The following POLR1D variants were observed in gnomAD, a reference collection of about 807,000 sequenced individuals.
POLR1D encodes RNA polymerase I and III subunit D, also known as DNA-directed RNA polymerases I and III subunit RPAC2.
Under a neutral mutation model 10.8 loss-of-function variants are expected in POLR1D, and 8 were observed. The observed-to-expected ratio is 0.74, with a 90% CI of 0.43 to 1.33. The LOEUF (loss-of-function observed/expected upper bound fraction) is 1.33. Among genes scored for constraint, POLR1D ranks in the 40% most tolerant of loss-of-function variants. The pLI, the probability that POLR1D is intolerant of heterozygous loss-of-function variation, is 0.01. For missense variants in POLR1D, 152 were observed against 161.7 expected (o/e 0.94, Z 0.32); for synonymous variants, 54 against 57.2 (o/e 0.94, Z 0.25).
At chr13:27,635,244 C>T (rs1224654669) in intron 1 of POLR1D, among the ~76,000 whole-genome samples, 8 of 152,052 alleles carry the variant, frequency 5.3e-5, no homozygotes, top group South Asian at 2.1e-4. Context: ...TATTATTAAA[C>T]GTTATTAGTA....
chr13:27,648,227 G>C (rs1286165084), intron 1 of POLR1D: 66 of 587,020 alleles, frequency 1.1e-4, no homozygotes, highest in Non-Finnish European at 3.1e-6. Context: ...TAATTTATGT[G>C]TTCAAAATTG....
chr13:27,647,515 A>G (rs572302411), intron 1 of POLR1D, among the ~76,000 whole-genome samples: 6 of 152,052 alleles, frequency 3.9e-5, no homozygotes, highest in African/African-American at 1.4e-4. Flanking sequence ...AAGCCACCAC[A>G]CCTAGCCGTC....
intron 1 of POLR1D, chr13:27,648,224 T>C (rs1956237072): frequency 1.7e-6 from 1 of 575,166 alleles, no homozygotes; most frequent in Non-Finnish European, 3.2e-6. Flanking sequence ...TTTTAATTTA[T>C]GTGTTCAAAA....
rs1363448615 is a variant in POLR1D, at chr13:27,666,009, T to C, written c.*56T>C. ...GCCTCCGTGCTCCTTCGGGGTGCGG[T>C]GTGCGGAGAAGGCCTGAGCTGGCAG... On this transcript the variant is annotated 3_prime_UTR_variant, in exon 3 of 3. Coordinates refer to the POLR1D transcript ENST00000399697. The C allele has an allele frequency of 5.8e-6, 9 of 1,538,758 alleles. No homozygotes were observed. In the Admixed American group the frequency reaches 1.1e-4, roughly 19 times the overall value.
chr13:27,655,806 A>AAAGACTAT (rs1956303106), intron 2 of POLR1D, among the ~76,000 whole-genome samples: 1 of 152,222 alleles, frequency 6.6e-6, no homozygotes, highest in Non-Finnish European at 1.5e-5. Flanking sequence ...TAGTGAGAGA[A>AAAGACTAT]TAGAGAATCA....
At chr13:27,634,046 C>G (rs1956098808) in intron 1 of POLR1D, among the ~76,000 whole-genome samples, 1 of 152,110 alleles carries the variant, frequency 6.6e-6, no homozygotes, top group Admixed American at 6.5e-5. Flanking sequence ...GCCTTCTAGA[C>G]TTGATTCTAC....
At chr13:27,657,522 T>C (rs1161214035) in intron 2 of POLR1D, among the ~76,000 whole-genome samples, 5 of 152,096 alleles carry the variant, frequency 3.3e-5, no homozygotes. Context: ...CAAGACTCCA[T>C]CTCAAAAAAA....
rs867741780 is a variant in POLR1D at position 27,649,013 on chromosome 13, C to T, written c.101+560C>T. Among the ~76,000 whole-genome samples the T allele has an allele frequency of 4.6e-5, 7 of 152,006 alleles. No homozygotes were observed. The South Asian group carries it at 1.2e-3, about 27-fold the overall frequency. On this transcript the variant is annotated intron_variant, in intron 2 of 2. Transcript: ENST00000399697. Reference sequence around the variant, plus strand: ...GCCAAGGTGGGAGTATTGTTTGAGCCCAAGAGTTTGAGAATAGCTTGGGCA... The same window carrying T: ...GCCAAGGTGGGAGTATTGTTTGAGCTCAAGAGTTTGAGAATAGCTTGGGCA...
At chr13:27,665,028 T>C (rs1349069340) in intron 2 of POLR1D, 1 of 152,754 alleles carries the variant, frequency 6.5e-6, no homozygotes, top group Non-Finnish European at 1.5e-5. Context: ...CAGCCTCTCC[T>C]AGGTAAACTT....
intron 1 of POLR1D, among the ~76,000 whole-genome samples, chr13:27,645,995 G>T (rs1198992746): frequency 9.8e-5 from 15 of 152,300 alleles, no homozygotes; most frequent in African/African-American, 3.6e-4. Context: ...ATCTTCTGCA[G>T]ATGTATAGCA....
intron 1 of POLR1D, among the ~76,000 whole-genome samples, chr13:27,637,132 T>C (rs1305390306): frequency 6.6e-6 from 1 of 152,228 alleles, no homozygotes; most frequent in Non-Finnish European, 1.5e-5. Context: ...TCGATTGTAT[T>C]ACTCTCTGTG....
intron 1 of POLR1D, among the ~76,000 whole-genome samples, chr13:27,636,962 A>T (rs17815885): frequency 2.7e-4 from 12 of 44,130 alleles, no homozygotes; most frequent in Non-Finnish European, 9.1e-4. Flanking sequence ...AGTTTGTGAT[A>T]TTTTTTAAAA....
intron 2 of POLR1D, chr13:27,665,542 A>T: frequency 4.0e-6 from 3 of 740,744 alleles, no homozygotes; most frequent in Non-Finnish European, 7.2e-6. Context: ...AGTTTACACT[A>T]GGTGGCATGC....
At position 27,665,777 on chromosome 13, in the gene POLR1D, C is replaced by T. The variant is rs2138578476; in HGVS notation, c.193C>T (p.Gln65Ter). 6.2e-7 allele frequency: 1 copy of T among 1,613,822 alleles called. No homozygotes were observed. Among genetic ancestry groups the T allele is most frequent in the Non-Finnish European group, 8.5e-7 (1 of 1,179,726 alleles). ...CTCTCATAAAGAGCAAGACCATGAA[C>T]AAAAAGAGGGCGATAAGGAACCAGC... The change falls in exon 3 of 3, where the codon CAA (glutamine) becomes TAA (stop). Residue 65 changes from glutamine to a stop codon, truncating the protein, a stop_gained. Coordinates refer to the POLR1D transcript ENST00000399697. LOFTEE classifies it low-confidence loss of function (END_TRUNC).
At position 27,621,998 on chromosome 13, in the gene POLR1D, G is replaced by A; in HGVS notation, c.15G>A (p.Gln5=). The change falls in exon 1 of 2, where the codon CAG becomes CAA. Residue 5 remains glutamine, a synonymous_variant. Coordinates refer to ENST00000302979, the MANE Select transcript of POLR1D (RefSeq NM_015972.4). MEED[Q]ELERKISGLK... ...CCGCCCCAGCGATGGAAGAGGATCA[G>A]GAGCTGGAGAGGTAACGGCCGAGGA... The A allele has an allele frequency of 1.9e-6, 3 of 1,592,120 alleles. No individual in the cohort carries two copies. The highest frequency in any genetic ancestry group is 2.3e-5 in the South Asian group (2 of 87,564).
chr13:27,640,931 TTATTACTAA>T (rs1299974726), intron 1 of POLR1D, among the ~76,000 whole-genome samples: 1 of 152,176 alleles, frequency 6.6e-6, no homozygotes, highest in African/African-American at 2.4e-5. Context: ...AAGTAATCTA[TTATTACTAA>T]TATTACATTG....
chr13:27,658,952 C>T (rs1194107316), intron 2 of POLR1D, among the ~76,000 whole-genome samples: 2 of 152,102 alleles, frequency 1.3e-5, no homozygotes, highest in Admixed American at 1.3e-4. Context: ...TATATTTTGG[C>T]AAAATAAATC....
intron 1 of POLR1D, among the ~76,000 whole-genome samples, chr13:27,629,749 T>A (rs1412687850): frequency 1.3e-5 from 2 of 152,048 alleles, no homozygotes; most frequent in Non-Finnish European, 2.9e-5. Flanking sequence ...ACATTCGTAA[T>A]CATCCTTAAG....
At position 27,622,998 on chromosome 13, in the gene POLR1D, C is replaced by G. The variant is rs756626537; in HGVS notation, c.150C>G (p.Thr50=). 62 of 1,613,922 alleles carry G rather than the reference C, an allele frequency of 3.8e-5. 1 individual carries two copies. The highest frequency in any genetic ancestry group is 4.2e-6 in the Non-Finnish European group (5 of 1,179,978). The change falls in exon 2 of 2, where the codon ACC becomes ACG. Residue 50 remains threonine (T), a synonymous_variant. Coordinates refer to ENST00000302979, the MANE Select transcript of POLR1D (RefSeq NM_015972.4). ...VTFVLHEEDH[T]LGNSLRYMIM... The stretch of plus-strand genomic sequence containing the variant: ...TTGTATTGCACGAGGAAGACCATAC[C>G]CTAGGAAATTCTCTACGTTACATGA...
Sources: allele counts gnomAD v4.1 joint callset (sites outside exome capture counted in the v4.1 genomes callset), GRCh38; gene constraint gnomAD v4.1.1; transcripts MANE v1.5; gene names NCBI Gene and HGNC (gene_info 2026-07-23, HGNC 2026-07-21).